Variants in CYP4X1 observed in about 807,000 individuals in gnomAD.
CYP4X1 encodes the protein cytochrome P450 family 4 subfamily X member 1.
CYP4X1 carries 44 observed loss-of-function variants against 57.9 expected under a neutral mutation model. That is an observed-to-expected ratio of 0.76 (90% CI 0.60 to 0.98). The LOEUF (loss-of-function observed/expected upper bound fraction) is 0.98. Among genes scored for constraint, CYP4X1 ranks in the 50% least tolerant of loss-of-function variants. The probability of loss-of-function intolerance (pLI) is 0.00; values close to 1 mark genes in which losing one functional copy is unlikely to be tolerated. For missense variants in CYP4X1, 532 were observed against 623.9 expected (o/e 0.85, Z 1.57); for synonymous variants, 227 against 228.6 (o/e 0.99, Z 0.06).
intron 10 of CYP4X1, 71 bp from the exon 11 acceptor site, chr1:47,049,351 G>C: frequency 9.0e-7 from 1 of 1,117,134 alleles, no homozygotes; most frequent in South Asian, 1.2e-5. Context: ...ATTGATCGGT[G>C]CTAGGTGGTA....
At chr1:46,976,872 G>C in the CYP4X1 span, among the ~76,000 whole-genome samples, 10 of 152,336 alleles carry the variant, frequency 6.6e-5, no homozygotes, top group Admixed American at 6.5e-4. Flanking sequence ...CAGACCAGCA[G>C]CTGAGGGACC....
chr1:47,003,496 T>A, the CYP4X1 span, among the ~76,000 whole-genome samples: 1 of 152,176 alleles, frequency 6.6e-6, no homozygotes, highest in Non-Finnish European at 1.5e-5. Flanking sequence ...AGTAATTTAT[T>A]TTTAAAAAAT....
rs199790231 is a variant in CYP4X1 at position 47,036,120 on chromosome 1, C to A, written c.724C>A (p.Pro242Thr). The A allele has an allele frequency of 4.2e-5, 67 of 1,613,614 alleles. No homozygotes were observed. The East Asian group carries it at 1.2e-3, about 28-fold the overall frequency. Residue 242 changes from proline to threonine, a missense_variant, in exon 6 of 12, where the codon CCT becomes ACT. Transcript: ENST00000371901. ...CAGTGACATAATTTTCAAACTCAGC[C>A]CTCAGGGCTACCGCTTCCAGAAGTT... ...YHSDIIFKLS[P>T]QGYRFQKLSR...
chr1:47,032,280 A>G (rs558093141), intron 3 of CYP4X1, among the ~76,000 whole-genome samples: 1 of 152,344 alleles, frequency 6.6e-6, no homozygotes, highest in East Asian at 1.9e-4. Flanking sequence ...GAATGAAAGA[A>G]AAGAATATAG....
chr1:47,015,968 T>C, the CYP4X1 span, among the ~76,000 whole-genome samples: 62,011 of 152,032 alleles, frequency 0.41, 14,476 homozygotes, highest in East Asian at 0.64. Flanking sequence ...CATCATTTTA[T>C]TTTACTCATC....
At chr1:47,005,316 A>G in the CYP4X1 span, among the ~76,000 whole-genome samples, 1 of 152,166 alleles carries the variant, frequency 6.6e-6, no homozygotes, top group Non-Finnish European at 1.5e-5. Flanking sequence ...TGCTGTCCCA[A>G]GCAGGGGGCT....
chr1:46,993,699 C>T, the CYP4X1 span, among the ~76,000 whole-genome samples: 4 of 152,238 alleles, frequency 2.6e-5, no homozygotes, highest in South Asian at 2.1e-4. Flanking sequence ...AGCATTTTTT[C>T]GTGTGTCTTT....
the CYP4X1 span, among the ~76,000 whole-genome samples, chr1:47,006,376 A>G: frequency 6.6e-6 from 1 of 152,212 alleles, no homozygotes; most frequent in African/African-American, 2.4e-5. Context: ...CTGTATACAA[A>G]ATGTCCCAGA....
chr1:47,006,293 G>A, the CYP4X1 span, among the ~76,000 whole-genome samples: 80 of 152,286 alleles, frequency 5.3e-4, 2 homozygotes, highest in South Asian at 0.015. Flanking sequence ...TGATAGTTCA[G>A]GATTTCTTGC....
At chr1:47,046,411 GA>G (rs1265305687) in intron 8 of CYP4X1, 55 bp from the exon 9 acceptor site, 56 of 1,601,518 alleles carry the variant, frequency 3.5e-5, no homozygotes, top group Middle Eastern at 3.3e-4. Flanking sequence ...ACAGAAAACA[GA>G]AAAAAAGTAA....
At chr1:47,025,771 C>A (rs1275584193) in intron 1 of CYP4X1, among the ~76,000 whole-genome samples, 1 of 152,098 alleles carries the variant, frequency 6.6e-6, no homozygotes, top group Non-Finnish European at 1.5e-5. Flanking sequence ...CATGCCAAAT[C>A]TGTTCGTTTT....
At chr1:47,034,871 G>T (rs1644163099) in intron 4 of CYP4X1, among the ~76,000 whole-genome samples, 1 of 151,836 alleles carries the variant, frequency 6.6e-6, no homozygotes, top group African/African-American at 2.4e-5. Context: ...TCCTTCCTCT[G>T]CTGCATCATT....
At chr1:47,014,869 T>C in the CYP4X1 span, among the ~76,000 whole-genome samples, 2 of 152,216 alleles carry the variant, frequency 1.3e-5, no homozygotes, top group Admixed American at 1.3e-4. Context: ...TTCACTGCCC[T>C]GTCCTTCAAA....
chr1:47,008,058 A>G, the CYP4X1 span, among the ~76,000 whole-genome samples: 2 of 152,218 alleles, frequency 1.3e-5, no homozygotes, highest in Non-Finnish European at 2.9e-5. Flanking sequence ...ATTCAGATTC[A>G]GGAAATACAG....
downstream of CYP4X1, among the ~76,000 whole-genome samples, chr1:47,052,867 T>C (rs1644368255): frequency 6.6e-6 from 1 of 152,220 alleles, no homozygotes; most frequent in South Asian, 2.1e-4. Flanking sequence ...TTTCTGTGAT[T>C]TGTCTGTACA....
chr1:46,979,911 T>G, the CYP4X1 span, among the ~76,000 whole-genome samples: 1 of 152,128 alleles, frequency 6.6e-6, no homozygotes, highest in Non-Finnish European at 1.5e-5. Flanking sequence ...GAAAAGGCCT[T>G]CAACAAAATT....
the CYP4X1 span, among the ~76,000 whole-genome samples, chr1:46,967,380 A>G: frequency 6.6e-6 from 1 of 152,232 alleles, no homozygotes; most frequent in Non-Finnish European, 1.5e-5. Flanking sequence ...ATACAAAAGC[A>G]GAAAAGCAGG....
At chr1:47,009,297 C>A in the CYP4X1 span, among the ~76,000 whole-genome samples, 1 of 151,792 alleles carries the variant, frequency 6.6e-6, no homozygotes, top group Non-Finnish European at 1.5e-5. Flanking sequence ...GAACAACCTG[C>A]TCCTGAATGA....
chr1:46,996,424 T>TATC, the CYP4X1 span, among the ~76,000 whole-genome samples: 2 of 152,226 alleles, frequency 1.3e-5, no homozygotes, highest in Non-Finnish European at 2.9e-5. Flanking sequence ...GGTGTCAGGT[T>TATC]ATCAACTACA....
Sources: allele counts gnomAD v4.1 joint callset (sites outside exome capture counted in the v4.1 genomes callset), GRCh38; gene constraint gnomAD v4.1.1; transcripts MANE v1.5; gene names NCBI Gene and HGNC (gene_info 2026-07-23, HGNC 2026-07-21).